Variants in NAALADL2 observed in about 807,000 individuals in gnomAD.
NAALADL2 encodes the protein N-acetylated alpha-linked acidic dipeptidase like 2.
NAALADL2 carries 76 observed loss-of-function variants against 87.2 expected under a neutral mutation model. The ratio of observed to expected loss-of-function variants is 0.87; its 90% CI spans 0.72 to 1.05. The LOEUF (loss-of-function observed/expected upper bound fraction) is 1.05, where lower values mean the gene tolerates loss of function less well. Among genes scored for constraint, NAALADL2 ranks in the 50% least tolerant of loss-of-function variants. The pLI, the probability that NAALADL2 is intolerant of heterozygous loss-of-function variation, is 0.00. For synonymous variants in NAALADL2, 354 were observed against 331.0 expected (o/e 1.07, Z -0.75); for missense variants, 1,089 against 945.8 (o/e 1.15, Z -1.99).
intron 2 of NAALADL2, among the ~76,000 whole-genome samples, chr3:174,607,273 A>G (rs1270007238): frequency 6.6e-6 from 1 of 152,112 alleles, no homozygotes; most frequent in African/African-American, 2.4e-5. Context: ...AAGCAAATCA[A>G]CCAGCTAACA....
At chr3:175,762,572 C>T (rs115393907) in intron 13 of NAALADL2, among the ~76,000 whole-genome samples, 328 of 152,180 alleles carry the variant, frequency 2.2e-3, no homozygotes, top group African/African-American at 7.7e-3. Context: ...CAAAGCTCCC[C>T]CATATCGCTA....
At chr3:174,831,299 T>C (rs376711648) in intron 3 of NAALADL2, among the ~76,000 whole-genome samples, 20 of 148,948 alleles carry the variant, frequency 1.3e-4, no homozygotes, top group Non-Finnish European at 2.8e-4. Flanking sequence ...CCTAATTTAT[T>C]GAGAGTTTTT....
chr3:175,350,744 A>G (rs1208565150), intron 5 of NAALADL2, among the ~76,000 whole-genome samples: 2 of 152,146 alleles, frequency 1.3e-5, no homozygotes, highest in Non-Finnish European at 2.9e-5. Context: ...GCCAAGAAGT[A>G]TTAAAGTAAA....
chr3:174,647,021 T>G (rs1723864519), intron 2 of NAALADL2, among the ~76,000 whole-genome samples: 1 of 152,188 alleles, frequency 6.6e-6, no homozygotes, highest in Middle Eastern at 3.4e-3. Context: ...AGTCTAAGGG[T>G]TTTCAATTTT....
intron 1 of NAALADL2, among the ~76,000 whole-genome samples, chr3:174,967,370 G>T (rs1248736940): frequency 1.3e-5 from 1 of 78,360 alleles, no homozygotes; most frequent in Non-Finnish European, 2.4e-5. Flanking sequence ...GTGGTGGATT[G>T]CAAAAAAAAA....
chr3:175,234,122 C>T lies in NAALADL2; in HGVS notation c.737C>T (p.Pro246Leu), dbSNP rs572064594. 875 of 1,613,884 alleles carry T rather than the reference C, an allele frequency of 5.4e-4. 9 individuals carry two copies. In the South Asian group the frequency reaches 8.7e-3, roughly 16 times the overall value. The change falls in exon 3 of 14, where the codon CCT becomes CTT. Residue 246 changes from proline (P) to leucine (L), a missense_variant. Pro to Leu is a moderately conservative substitution (Grantham distance 98, BLOSUM62 -3). Coordinates refer to ENST00000454872, the MANE Select transcript of NAALADL2 (RefSeq NM_207015.3). ...CAATGCTTTCATCCTAATGGCCAGCCTTGCAGTGAAGAAGCCAGAAAAGAT... is the reference window on the plus strand; with the variant it reads ...CAATGCTTTCATCCTAATGGCCAGCTTTGCAGTGAAGAAGCCAGAAAAGAT... Reference protein sequence around the residue: ...SGQCFHPNGQPCSEEARKDSS... With the variant: ...SGQCFHPNGQLCSEEARKDSS...
intron 1 of NAALADL2, among the ~76,000 whole-genome samples, chr3:174,890,914 C>T (rs1579386423): frequency 6.6e-6 from 1 of 152,138 alleles, no homozygotes; most frequent in East Asian, 1.9e-4. Flanking sequence ...CTGGCCATTA[C>T]TTAATTGCTA....
chr3:175,080,347 T>G (rs548555146), intron 1 of NAALADL2, among the ~76,000 whole-genome samples: 4 of 152,338 alleles, frequency 2.6e-5, no homozygotes, highest in African/African-American at 9.6e-5. Flanking sequence ...TGCTTTCAGT[T>G]CTGAAATTCT....
At chr3:174,870,604 A>G (rs1221665357) in intron 1 of NAALADL2, among the ~76,000 whole-genome samples, 1 of 150,850 alleles carries the variant, frequency 6.6e-6, no homozygotes, top group Non-Finnish European at 1.5e-5. Flanking sequence ...AAAAAAAAAC[A>G]CAATTAGCCA....
At chr3:175,082,346 TTTA>T (rs1384705600) in intron 1 of NAALADL2, among the ~76,000 whole-genome samples, 1 of 152,242 alleles carries the variant, frequency 6.6e-6, no homozygotes, top group African/African-American at 2.4e-5. Context: ...AAATATGTAG[TTTA>T]TTATTTCTAT....
At chr3:175,203,851 T>C (rs1462920084) in intron 2 of NAALADL2, among the ~76,000 whole-genome samples, 1 of 152,166 alleles carries the variant, frequency 6.6e-6, no homozygotes, top group East Asian at 1.9e-4. Context: ...TGGAAAGAGA[T>C]GGATACATTC....
At chr3:174,675,255 T>C (rs945633202) in intron 2 of NAALADL2, among the ~76,000 whole-genome samples, 1 of 152,050 alleles carries the variant, frequency 6.6e-6, no homozygotes, top group Non-Finnish European at 1.5e-5. Context: ...TATTCCTAGT[T>C]TTGAAATGTG....
intron 1 of NAALADL2, among the ~76,000 whole-genome samples, chr3:174,462,246 T>C (rs551561869): frequency 3.9e-5 from 6 of 152,232 alleles, no homozygotes; most frequent in African/African-American, 1.4e-4. Flanking sequence ...ATTGGAACGT[T>C]TGTCCTTGGT....
At chr3:174,730,578 C>T (rs544565464) in intron 2 of NAALADL2, among the ~76,000 whole-genome samples, 40 of 152,140 alleles carry the variant, frequency 2.6e-4, no homozygotes, top group Admixed American at 7.9e-4. Flanking sequence ...AGAGAACTAA[C>T]GGATATTTTA....
At chr3:175,739,332 C>T (rs971957202) in intron 12 of NAALADL2, among the ~76,000 whole-genome samples, 1 of 152,150 alleles carries the variant, frequency 6.6e-6, no homozygotes, top group Non-Finnish European at 1.5e-5. Context: ...AGATTTACCT[C>T]CTTCAAACCT....
intron 13 of NAALADL2, among the ~76,000 whole-genome samples, chr3:175,762,593 G>C (rs941578484): frequency 1.3e-5 from 2 of 152,098 alleles, no homozygotes; most frequent in Non-Finnish European, 2.9e-5. Flanking sequence ...TTAACCAAGG[G>C]AGACATATTT....
intron 2 of NAALADL2, among the ~76,000 whole-genome samples, chr3:175,107,790 A>G (rs1723473550): frequency 1.3e-5 from 2 of 151,810 alleles, no homozygotes; most frequent in African/African-American, 2.4e-5. Flanking sequence ...TATTAAGTCT[A>G]TGAAAGCATA....
chr3:175,263,806 C>T (rs1686564268), intron 4 of NAALADL2, among the ~76,000 whole-genome samples: 1 of 151,464 alleles, frequency 6.6e-6, no homozygotes, highest in South Asian at 2.1e-4. Flanking sequence ...ATACAGTTCG[C>T]CCCCTAAAAG....
At chr3:174,962,433 G>GTCATAGTGACTATGACATATATATATATA (rs1742245895) in intron 1 of NAALADL2, among the ~76,000 whole-genome samples, 5 of 52,232 alleles carry the variant, frequency 9.6e-5, no homozygotes, top group Non-Finnish European at 1.5e-4. Flanking sequence ...ATATATATAT[G>GTCATAGTGACTATGACATATATATATATA]TATATTTTTA....
Sources: gnomAD v4.1 joint callset for allele counts (sites outside exome capture counted in the v4.1 genomes callset) on GRCh38, gnomAD v4.1.1 for gene constraint, MANE v1.5 for transcripts, NCBI Gene and HGNC (gene_info 2026-07-23, HGNC 2026-07-21) for gene names.